Variants in RBFOX1 observed in about 807,000 individuals in gnomAD.
RBFOX1 encodes the protein RNA binding protein fox-1 homolog 1.
Under a neutral mutation model 57.7 loss-of-function variants are expected in RBFOX1, and 8 were observed. The observed-to-expected ratio is 0.14, with a 90% CI of 0.08 to 0.25. RBFOX1 has a LOEUF of 0.25. RBFOX1 is among the 10% of genes least tolerant of loss of function. RBFOX1 has a pLI of 1.00. For missense variants in RBFOX1, 611 were observed against 548.5 expected (o/e 1.11, Z -1.14); for synonymous variants, 326 against 222.4 (o/e 1.47, Z -4.15).
intron 2 of RBFOX1, among the ~76,000 whole-genome samples, chr16:6,476,903 T>C (rs2095281887): frequency 6.6e-6 from 1 of 152,222 alleles, no homozygotes; most frequent in African/African-American, 2.4e-5. Flanking sequence ...TTTGTTGTCA[T>C]TGCAACAAGG....
intron 1 of RBFOX1, chr16:5,365,961 G>A (rs1024195501): frequency 8.1e-6 from 4 of 492,830 alleles, no homozygotes; most frequent in African/African-American, 5.9e-5. Context: ...TGTGAAGGAT[G>A]AATCGTACAT....
intron 3 of RBFOX1, chr16:7,004,231 C>G (rs1231369652): frequency 6.6e-6 from 1 of 151,986 alleles, no homozygotes; most frequent in African/African-American, 2.4e-5. Flanking sequence ...TCTTTTGAAT[C>G]TTATGCATAG....
chr16:6,709,838 C>T (rs556584814), intron 3 of RBFOX1, among the ~76,000 whole-genome samples: 37 of 152,190 alleles, frequency 2.4e-4, no homozygotes, highest in Admixed American at 3.9e-4. Context: ...AGAACGCTGG[C>T]TGGTACACAA....
chr16:7,478,633 A>T (rs931953328), intron 4 of RBFOX1, among the ~76,000 whole-genome samples: 35 of 152,134 alleles, frequency 2.3e-4, no homozygotes, highest in African/African-American at 8.0e-4. Flanking sequence ...AAATGATTCA[A>T]CTTATTTCAG....
In RBFOX1 at chr16:7,219,144, G is replaced by A. The variant is rs74010799; in HGVS notation, c.27+167046G>A. Among the ~76,000 whole-genome samples, 697 of 152,288 alleles carry A rather than the reference G, an allele frequency of 4.6e-3. 4 individuals are homozygous for A. Among genetic ancestry groups the A allele is most frequent in the African/African-American group, 0.016 (654 of 41,560 alleles). ...TGGCTTTGTGTCAGCCCTGCTCGGA[G>A]TAGCCTTGTTAATTCACCCCCATGA... is the stretch of plus-strand genomic sequence containing the variant. On this transcript the variant is annotated intron_variant, in intron 4 of 15. Transcript: ENST00000550418.
chr16:6,170,805 C>A (rs964128580), intron 1 of RBFOX1, among the ~76,000 whole-genome samples: 2 of 152,082 alleles, frequency 1.3e-5, no homozygotes, highest in African/African-American at 4.8e-5. Context: ...TCCCTGTGTT[C>A]TCTTTAGTAC....
intron 3 of RBFOX1, among the ~76,000 whole-genome samples, chr16:6,785,235 G>A (rs144966865): frequency 6.6e-6 from 1 of 152,076 alleles, no homozygotes; most frequent in Non-Finnish European, 1.5e-5. Context: ...CTCCCAGTCC[G>A]TTCGTAACTA....
chr16:7,171,301 A>G (rs1430215793), intron 4 of RBFOX1, among the ~76,000 whole-genome samples: 3 of 152,198 alleles, frequency 2.0e-5, no homozygotes, highest in Non-Finnish European at 2.9e-5. Context: ...TGAGGACTGC[A>G]GTGTCATTGT....
At chr16:6,119,565 C>A (rs968931805) in intron 1 of RBFOX1, among the ~76,000 whole-genome samples, 1 of 152,182 alleles carries the variant, frequency 6.6e-6, no homozygotes, top group African/African-American at 2.4e-5. Context: ...TTCATTGGAA[C>A]ACTTGTGTAA....
intron 3 of RBFOX1, among the ~76,000 whole-genome samples, chr16:5,718,375 C>A (rs1596941597): frequency 1.3e-5 from 2 of 152,192 alleles, no homozygotes; most frequent in African/African-American, 4.8e-5. Flanking sequence ...GACCCACAGA[C>A]ACATATGTGA....
chr16:7,188,659 C>T (rs1373110071), intron 4 of RBFOX1, among the ~76,000 whole-genome samples: 1 of 152,170 alleles, frequency 6.6e-6, no homozygotes, highest in Admixed American at 6.5e-5. Context: ...TATCATTATC[C>T]TGAGTTGAAC....
rs2095227978 is a variant in RBFOX1, at chr16:7,604,986, T to C, written c.623-2299T>C. On this transcript the variant is annotated intron_variant, in intron 9 of 15. Transcript: ENST00000550418. ...AAGATGAAGAGTGATCACTTAATAA[T>C]TATTCATTTAATATGACCCCATATA... Among the ~76,000 whole-genome samples the C allele has an allele frequency of 2.6e-5, 4 of 152,138 alleles. No individual in the cohort carries two copies. The South Asian group carries it at 8.3e-4, about 32-fold the overall frequency.
In RBFOX1 at chr16:7,656,903, G is replaced by A. The variant is rs554360243; in HGVS notation, c.890+2956G>A. ...GAGAAGAAATATGGGGTATATATAAGTCCAAACATTTCCTAAATTGCCACA... is the reference window on the plus strand; with the variant it reads ...GAGAAGAAATATGGGGTATATATAAATCCAAACATTTCCTAAATTGCCACA... On this transcript the variant is annotated intron_variant, in intron 12 of 15. Transcript: ENST00000550418. Among the ~76,000 whole-genome samples, 91 of 152,282 alleles carry A rather than the reference G, an allele frequency of 6.0e-4. 1 individual carries two copies. Among genetic ancestry groups the A allele is most frequent in the Non-Finnish European group, 1.3e-4 (9 of 68,026 alleles).
At chr16:6,578,142 T>A (rs1188403138) in intron 2 of RBFOX1, among the ~76,000 whole-genome samples, 2 of 152,214 alleles carry the variant, frequency 1.3e-5, no homozygotes, top group African/African-American at 4.8e-5. Context: ...AACGACCAGT[T>A]ACCTGCATTC....
At chr16:6,627,581 C>G (rs1013000172) in intron 2 of RBFOX1, among the ~76,000 whole-genome samples, 1 of 152,126 alleles carries the variant, frequency 6.6e-6, no homozygotes, top group Non-Finnish European at 1.5e-5. Flanking sequence ...AAGATAAGAA[C>G]TATGAACGCT....
Position 6,192,522 on chromosome 16 carries a change from G to A in RBFOX1, c.-126-124473G>A, listed in dbSNP as rs560733556. The stretch of plus-strand genomic sequence containing the variant: ...CATACACATGCACAGCTCACACACC[G>A]TTTTACCTATCTCTTAACTGACAGC... On this transcript the variant is annotated intron_variant, in intron 1 of 15. Transcript: ENST00000550418. Among the ~76,000 whole-genome samples, 20 of 151,648 alleles carry A rather than the reference G, an allele frequency of 1.3e-4. No homozygotes were observed. The East Asian group carries it at 1.4e-3, about 10-fold the overall frequency.
intron 2 of RBFOX1, among the ~76,000 whole-genome samples, chr16:6,566,455 G>A (rs1206154881): frequency 1.3e-5 from 2 of 151,988 alleles, no homozygotes; most frequent in African/African-American, 4.8e-5. Flanking sequence ...TTCTTAGTGA[G>A]CCTAGTTTGA....
intron 3 of RBFOX1, among the ~76,000 whole-genome samples, chr16:6,698,843 C>T (rs1006558933): frequency 1.3e-5 from 2 of 152,152 alleles, no homozygotes. Context: ...CCATGTCCCC[C>T]ACCTTCTAGT....
intron 3 of RBFOX1, among the ~76,000 whole-genome samples, chr16:6,904,913 C>G (rs2069444327): frequency 1.3e-5 from 2 of 152,146 alleles, no homozygotes; most frequent in Admixed American, 6.5e-5. Context: ...TCCCAATTCC[C>G]TCAGACAACA....
Sources: allele counts gnomAD v4.1 joint callset (sites outside exome capture counted in the v4.1 genomes callset), GRCh38; gene constraint gnomAD v4.1.1; transcripts MANE v1.5; gene names NCBI Gene and HGNC (gene_info 2026-07-23, HGNC 2026-07-21).